Variants in SLC7A6 observed in about 807,000 individuals in gnomAD.
SLC7A6 encodes solute carrier family 7 member 6, also known as Y+L amino acid transporter 2.
In SLC7A6, 29 loss-of-function variants were observed where a neutral mutation model predicts 46.6. The ratio of observed to expected loss-of-function variants is 0.62; its 90% CI spans 0.46 to 0.85. SLC7A6 has a LOEUF of 0.85. SLC7A6 is among the 40% of genes least tolerant of loss of function. The pLI is 0.00. For synonymous variants in SLC7A6, 276 were observed against 257.3 expected (o/e 1.07, Z -0.70); for missense variants, 527 against 647.6 (o/e 0.81, Z 2.02).
chr16:68,301,712 T>C lies in SLC7A6; in HGVS notation c.*4384T>C, dbSNP rs568976532. 5.0e-6 allele frequency: 1 copy of C among 200,322 alleles called. No homozygotes were observed. The allele number at this position is 200,322 out of a possible 1,614,324, so 12.4% of individuals were successfully genotyped here. On this transcript the variant is annotated 3_prime_UTR_variant, in exon 11 of 11. Transcript: ENST00000219343. Reference sequence around the variant, plus strand: ...GTTGTAGTCATATTGTAAATATTTTTGTACCTTTCTCCTTTTAACGTGTTA... The same window carrying C: ...GTTGTAGTCATATTGTAAATATTTTCGTACCTTTCTCCTTTTAACGTGTTA...
At chr16:68,278,626 G>A (rs1200092983) in intron 3 of SLC7A6, among the ~76,000 whole-genome samples, 2 of 151,988 alleles carry the variant, frequency 1.3e-5, no homozygotes, top group Non-Finnish European at 2.9e-5. Context: ...CACCGGGTTG[G>A]GGGTAAGGTC....
Position 68,290,506 on chromosome 16 carries a change from A to T in SLC7A6, c.760A>T (p.Asn254Tyr), listed in dbSNP as rs2043027268. Reference sequence around the variant, plus strand: ...CTCTTACTCAGGTTGGGACACCCTTAATTTTGTAACAGAAGAAATCAAAAA... The same window carrying T: ...CTCTTACTCAGGTTGGGACACCCTTTATTTTGTAACAGAAGAAATCAAAAA... Reference protein sequence around the residue: ...LFSYSGWDTLNFVTEEIKNPE... With the variant: ...LFSYSGWDTLYFVTEEIKNPE... Residue 254 changes from asparagine (N) to tyrosine (Y), a missense_variant, in exon 5 of 11, where the codon AAT becomes TAT. By Grantham distance (143) the Asn-to-Tyr change is moderately radical. Transcript: ENST00000219343. 6.2e-7 allele frequency: 1 copy of T among 1,614,170 alleles called. No individual in the cohort carries two copies. The highest frequency in any genetic ancestry group is 8.5e-7 in the Non-Finnish European group (1 of 1,180,028).
In SLC7A6 at chr16:68,301,673, T is replaced by C. The variant is rs1041369036; in HGVS notation, c.*4345T>C. 1 of 273,610 alleles carries C rather than the reference T, an allele frequency of 3.7e-6. No individual in the cohort carries two copies. The highest frequency in any genetic ancestry group is 2.2e-5 in the African/African-American group (1 of 45,472). The allele number at this position is 273,610 out of a possible 1,614,324, so 16.9% of individuals were successfully genotyped here. ...ACTTCTCCCCTCCGTATAGGATTTTTTGTTGTTGTAAGAGTTGTAGTCATA... is the reference window on the plus strand; with the variant it reads ...ACTTCTCCCCTCCGTATAGGATTTTCTGTTGTTGTAAGAGTTGTAGTCATA... On this transcript the variant is annotated 3_prime_UTR_variant, in exon 11 of 11. Transcript: ENST00000219343.
In SLC7A6 at chr16:68,301,394, A is replaced by G. The variant is rs2043272308; in HGVS notation, c.*4066A>G. The stretch of plus-strand genomic sequence containing the variant: ...CTTTCCTCCTCACTCAGGCTGTTGT[A>G]GTCAGCAGAGCCTAGAATGACATCC... On this transcript the variant is annotated 3_prime_UTR_variant, in exon 11 of 11. Transcript: ENST00000219343. The G allele has an allele frequency of 6.2e-7, 1 of 1,614,040 alleles. No homozygotes were observed. Among genetic ancestry groups the G allele is most frequent in the Non-Finnish European group, 8.5e-7 (1 of 1,179,910 alleles).
In SLC7A6 at chr16:68,300,948, G is replaced by A. The variant is rs749329342; in HGVS notation, c.*3620G>A. On this transcript the variant is annotated 3_prime_UTR_variant, in exon 11 of 11. Coordinates refer to ENST00000219343, the MANE Select transcript of SLC7A6 (RefSeq NM_003983.6). ...AATGGGAACCTCCCCCTCCCTTGTG[G>A]TTTCAGCACAGAACCTGAATGCCAG... 4.8e-5 allele frequency: 49 copies of A among 1,013,948 alleles called. No individual in the cohort carries two copies. The highest frequency in any genetic ancestry group is 5.7e-5 in the Non-Finnish European group (48 of 848,942). The allele number at this position is 1,013,948 out of a possible 1,614,324, so 62.8% of individuals were successfully genotyped here.
intron 3 of SLC7A6, 108 bp from the exon 4 acceptor site, chr16:68,287,638 C>T (rs1429286492): frequency 2.6e-6 from 4 of 1,541,772 alleles, no homozygotes; most frequent in Admixed American, 1.9e-5. Flanking sequence ...GTCCATTGGC[C>T]CCTTTGCCTT....
chr16:68,296,043 AC>A (rs952230641), intron 8 of SLC7A6, among the ~76,000 whole-genome samples: 2 of 152,118 alleles, frequency 1.3e-5, no homozygotes, highest in African/African-American at 4.8e-5. Flanking sequence ...TCTCTAGGAC[AC>A]CGTGTAATCC....
At chr16:68,270,935 C>T (rs531489852) in intron 2 of SLC7A6, among the ~76,000 whole-genome samples, 96 of 151,692 alleles carry the variant, frequency 6.3e-4, no homozygotes, top group Non-Finnish European at 9.0e-4. Context: ...AATGGCTTAC[C>T]GCAGCCCTGA....
At chr16:68,281,158 G>A (rs936756095) in intron 3 of SLC7A6, among the ~76,000 whole-genome samples, 5 of 152,198 alleles carry the variant, frequency 3.3e-5, no homozygotes, top group Non-Finnish European at 5.9e-5. Context: ...TGAAGGCACT[G>A]CACTTTCAGA....
rs1567592766 is a variant in SLC7A6 at position 68,290,557 on chromosome 16, A to T, written c.794+17A>T. On this transcript the variant is annotated intron_variant, in intron 5 of 10. Transcript: ENST00000219343. Reference sequence around the variant, plus strand: ...CCCAGAAAGGTAAAGATGGGATCACACTCTCACTCCCCAGCTTGGCTGGAA... The same window carrying T: ...CCCAGAAAGGTAAAGATGGGATCACTCTCTCACTCCCCAGCTTGGCTGGAA... The T allele has an allele frequency of 6.2e-7, 1 of 1,613,206 alleles. No individual in the cohort carries two copies.
rs771984880 is a variant in SLC7A6 at position 68,297,252 on chromosome 16, C to A, written c.1472C>A (p.Thr491Asn). The A allele has an allele frequency of 1.2e-5, 19 of 1,613,958 alleles. No homozygotes were observed. Among genetic ancestry groups the A allele is most frequent in the Non-Finnish European group, 1.4e-5 (16 of 1,179,986 alleles). Residue 491 changes from threonine (T) to asparagine (N), a missense_variant, in exon 11 of 11, where the codon ACC (threonine) becomes AAC (asparagine). Coordinates refer to ENST00000219343, the MANE Select transcript of SLC7A6 (RefSeq NM_003983.6). Reference protein sequence around the residue: ...RNVLAAITRGTQQLCFCVLTE... With the variant: ...RNVLAAITRGNQQLCFCVLTE... ...CATTTAGCTGCTATCACCAGAGGCA[C>A]CCAGCAGCTTTGCTTTTGTGTCCTG...
chr16:68,291,099 T>A (rs1463866843), intron 5 of SLC7A6, 110 bp from the exon 6 acceptor site: 1 of 1,410,172 alleles, frequency 7.1e-7, no homozygotes, highest in East Asian at 2.3e-5. Context: ...CTCAAAGACT[T>A]GGAGGCTAGT....
chr16:68,283,369 C>A (rs1332355594), intron 3 of SLC7A6, among the ~76,000 whole-genome samples: 1 of 152,196 alleles, frequency 6.6e-6, no homozygotes, highest in Non-Finnish European at 1.5e-5. Flanking sequence ...GTTATTGAAG[C>A]TCTAGCTGTC....
Position 68,291,267 on chromosome 16 carries a change from A to C in SLC7A6, c.853A>C (p.Thr285Pro), listed in dbSNP as rs749713227. 1.9e-6 allele frequency: 3 copies of C among 1,614,158 alleles called. No individual in the cohort carries two copies. The South Asian group carries it at 3.3e-5, about 18-fold the overall frequency. Residue 285 changes from threonine (T) to proline (P), a missense_variant, in exon 6 of 11, where the codon ACC becomes CCC. By Grantham distance (38) the Thr-to-Pro change is conservative. Transcript: ENST00000219343. ...MPIVTLIYIL[T>P]NVAYYTVLNI... is the part of the protein sequence containing the mutation. ...AATTGTGACGCTCATCTACATCCTG[A>C]CCAATGTGGCCTATTACACAGTGCT...
intron 2 of SLC7A6, among the ~76,000 whole-genome samples, chr16:68,272,449 G>C (rs868675874): frequency 1.3e-5 from 2 of 152,080 alleles, no homozygotes; most frequent in African/African-American, 4.8e-5. Flanking sequence ...AAGAGAGAGA[G>C]AGACTGAAAG....
chr16:68,287,801 C>CAA lies in SLC7A6; in HGVS notation c.580_581insAA (p.Thr194LysfsTer9). 6.2e-7 allele frequency: 1 copy of CAA among 1,614,228 alleles called. No individual in the cohort carries two copies. Among genetic ancestry groups the CAA allele is most frequent in the South Asian group, 1.1e-5 (1 of 91,082 alleles). ...TCAAGTGGGGCACACGTGTGCAGGACACGTTCACTTACGCCAAGGTCGTAG... is the reference window on the plus strand; with the variant it reads ...TCAAGTGGGGCACACGTGTGCAGGACAAACGTTCACTTACGCCAAGGTCGTAG... On this transcript the variant is annotated frameshift_variant, in exon 4 of 11. Coordinates refer to ENST00000219343, the MANE Select transcript of SLC7A6 (RefSeq NM_003983.6). LOFTEE classifies it high-confidence loss of function.
In SLC7A6 at chr16:68,299,287, A is replaced by G. The variant is rs2043227559; in HGVS notation, c.*1959A>G. 6.6e-6 allele frequency: 1 copy of G among 152,650 alleles called. No homozygotes were observed. Among genetic ancestry groups the G allele is most frequent in the Non-Finnish European group, 1.5e-5 (1 of 68,046 alleles). 9.5% of individuals were successfully genotyped at this position (152,650 alleles called of 1,614,324 possible). A position where few individuals can be genotyped will look rare whatever the true frequency, so the allele number is the denominator to read the frequency against. On this transcript the variant is annotated 3_prime_UTR_variant, in exon 11 of 11. Transcript: ENST00000219343. Reference sequence around the variant, plus strand: ...CTTTAGCTTTCTCCACCAGATAACCAGCTAATCCCAGGAATTTGCTGCCCC... The same window carrying G: ...CTTTAGCTTTCTCCACCAGATAACCGGCTAATCCCAGGAATTTGCTGCCCC...
intron 3 of SLC7A6, among the ~76,000 whole-genome samples, chr16:68,286,091 CAAA>C (rs1165671231): frequency 1.4e-4 from 6 of 44,234 alleles, no homozygotes; most frequent in South Asian, 8.5e-4. Context: ...GACCCTGTCT[CAAA>C]AAAAAAAAAA....
chr16:68,295,717 C>T (rs985176689), intron 8 of SLC7A6, among the ~76,000 whole-genome samples: 7 of 152,184 alleles, frequency 4.6e-5, no homozygotes, highest in African/African-American at 1.7e-4. Context: ...TCCCAGGACC[C>T]TAGGCCCTAA....
Sources: gnomAD v4.1 joint callset for allele counts (sites outside exome capture counted in the v4.1 genomes callset) on GRCh38, gnomAD v4.1.1 for gene constraint, MANE v1.5 for transcripts, NCBI Gene and HGNC (gene_info 2026-07-23, HGNC 2026-07-21) for gene names.